RUFY2: variants seen among roughly 807,000 people sequenced by gnomAD.
RUFY2 encodes the protein RUN and FYVE domain containing 2, also known as RUN and FYVE domain-containing protein 2.
RUFY2 carries 49 observed loss-of-function variants against 94.4 expected under a neutral mutation model. That is an observed-to-expected ratio of 0.52 (90% CI 0.41 to 0.66). RUFY2 has a LOEUF of 0.66. Ranked by LOEUF, RUFY2 falls within the 30% of genes least tolerant of loss-of-function variation. The pLI, the probability that RUFY2 is intolerant of heterozygous loss-of-function variation, is 0.00. For synonymous variants in RUFY2, 255 were observed against 235.7 expected (o/e 1.08, Z -0.75); for missense variants, 541 against 692.8 (o/e 0.78, Z 2.46).
At chr10:68,341,830 C>G (rs1426406238), downstream of RUFY2, 1 of 1,611,068 alleles carries the variant, frequency 6.2e-7, no homozygotes, top group East Asian at 2.2e-5. Context: ...ATATGGTACT[C>G]CTGATGGTTT....
intron 1 of RUFY2, 147 bp downstream of exon 1, chr10:68,407,039 C>A: frequency 6.8e-7 from 1 of 1,478,338 alleles, no homozygotes; most frequent in East Asian, 2.5e-5. Context: ...CCCCGAGTCC[C>A]AGGCAGTCCC....
At chr10:68,369,686 C>A (rs1310922329) in intron 13 of RUFY2, among the ~76,000 whole-genome samples, 1 of 151,966 alleles carries the variant, frequency 6.6e-6, no homozygotes, top group Non-Finnish European at 1.5e-5. Flanking sequence ...CTTTGGGAGG[C>A]CAAGGCAGGA....
chr10:68,378,567 A>G, intron 12 of RUFY2: 1 of 1,583,326 alleles, frequency 6.3e-7, no homozygotes, highest in Non-Finnish European at 8.6e-7. Flanking sequence ...GGTCTTCAGA[A>G]AGATATATCT....
intron 16 of RUFY2, chr10:68,346,768 G>A (rs900474366): frequency 2.0e-5 from 3 of 152,098 alleles, no homozygotes; most frequent in Non-Finnish European, 2.9e-5. Context: ...CAATATTTAA[G>A]GATAAATTCT....
At chr10:68,365,266 A>T (rs2047724948) in intron 13 of RUFY2, among the ~76,000 whole-genome samples, 1 of 152,208 alleles carries the variant, frequency 6.6e-6, no homozygotes, top group African/African-American at 2.4e-5. Context: ...GCATCTCTTC[A>T]ACTAATGTTA....
At chr10:68,387,958 G>A (rs563470030) in intron 7 of RUFY2, among the ~76,000 whole-genome samples, 11 of 152,138 alleles carry the variant, frequency 7.2e-5, no homozygotes, top group East Asian at 1.9e-4. Context: ...AGCCGAGATC[G>A]CACCATCGCA....
downstream of RUFY2, chr10:68,341,811 C>T (rs1189878857): frequency 1.9e-6 from 3 of 1,610,790 alleles, no homozygotes; most frequent in East Asian, 2.2e-5. Context: ...GGAACAATTA[C>T]AGTGGAGGAT....
intron 3 of RUFY2, among the ~76,000 whole-genome samples, chr10:68,400,167 C>T (rs2050702294): frequency 6.6e-6 from 1 of 151,842 alleles, no homozygotes; most frequent in African/African-American, 2.4e-5. Flanking sequence ...CGAAAATTAG[C>T]CAGGTATGGA....
At chr10:68,390,910 G>T (rs187063247) in intron 7 of RUFY2, among the ~76,000 whole-genome samples, 1 of 151,340 alleles carries the variant, frequency 6.6e-6, no homozygotes, top group Non-Finnish European at 1.5e-5. Context: ...GGGATTACAT[G>T]CATGAGCCAT....
downstream of RUFY2, chr10:68,341,966 C>G: frequency 6.2e-7 from 1 of 1,613,206 alleles, no homozygotes; most frequent in Non-Finnish European, 8.5e-7. Context: ...TTCTTAATAT[C>G]TTTTTCTTAA....
At chr10:68,375,674 G>T (rs1481842968) in intron 13 of RUFY2, among the ~76,000 whole-genome samples, 1 of 151,830 alleles carries the variant, frequency 6.6e-6, no homozygotes, top group African/African-American at 2.4e-5. Flanking sequence ...TACTCAGGAG[G>T]CTGAGGCAGG....
At chr10:68,368,574 G>A (rs1416760028) in intron 13 of RUFY2, among the ~76,000 whole-genome samples, 4 of 151,912 alleles carry the variant, frequency 2.6e-5, no homozygotes, top group Non-Finnish European at 5.9e-5. Flanking sequence ...CAGGAGAATC[G>A]CTTGAACCCG....
intron 12 of RUFY2, 69 bp from the exon 13 acceptor site, chr10:68,377,041 CAAAT>C (rs2048727335): frequency 6.4e-6 from 10 of 1,551,176 alleles, no homozygotes; most frequent in South Asian, 1.2e-5. Flanking sequence ...GTGAAGAAGA[CAAAT>C]AAAAGAAAAA....
At chr10:68,403,405 C>T (rs1418632527) in intron 2 of RUFY2, among the ~76,000 whole-genome samples, 2 of 151,958 alleles carry the variant, frequency 1.3e-5, no homozygotes, top group Admixed American at 6.6e-5. Context: ...GCGAACACCA[C>T]CAGCCTGGCT....
chr10:68,389,686 T>G (rs1174853762), intron 7 of RUFY2, among the ~76,000 whole-genome samples: 1 of 151,994 alleles, frequency 6.6e-6, no homozygotes, highest in African/African-American at 2.4e-5. Context: ...CCCAGAACTT[T>G]GGGAGGCCCA....
At chr10:68,403,785 C>G (rs1172617399) in intron 2 of RUFY2, among the ~76,000 whole-genome samples, 1 of 149,050 alleles carries the variant, frequency 6.7e-6, no homozygotes, top group African/African-American at 2.5e-5. Flanking sequence ...TTAGGTAAAT[C>G]TTTGAATCTT....
Position 68,405,492 on chromosome 10 carries a change from A to C in RUFY2, c.5-648T>G, listed in dbSNP as rs551094454. The C allele has an allele frequency of 3.8e-5, 37 of 965,706 alleles. No homozygotes were observed. The South Asian group carries it at 1.8e-3, about 46-fold the overall frequency. The allele number at this position is 965,706 out of a possible 1,614,324, so 59.8% of individuals were successfully genotyped here. A position where few individuals can be genotyped will look rare whatever the true frequency, so the allele number is the denominator to read the frequency against. ...TTAAAATGATCTTCTATGGAGATAA[A>C]TTTGGGGTGAGAGACAACAGGTTTA... On this transcript the variant is annotated intron_variant, in intron 1 of 17. Coordinates refer to ENST00000602465, the MANE Select transcript of RUFY2 (RefSeq NM_001330103.2).
intron 16 of RUFY2, among the ~76,000 whole-genome samples, chr10:68,348,185 ATT>A (rs375494025): frequency 4.5e-4 from 64 of 143,254 alleles, no homozygotes; most frequent in Admixed American, 5.7e-4. Flanking sequence ...GAATCATAGA[ATT>A]TTTTTTTTTT....
chr10:68,400,224 G>A (rs1050293833), intron 3 of RUFY2, among the ~76,000 whole-genome samples: 1 of 152,040 alleles, frequency 6.6e-6, no homozygotes, highest in Non-Finnish European at 1.5e-5. Context: ...GCTGAGGCAC[G>A]AGAATCACTT....
Sources: allele counts gnomAD v4.1 joint callset (sites outside exome capture counted in the v4.1 genomes callset), GRCh38; gene constraint gnomAD v4.1.1; transcripts MANE v1.5; gene names NCBI Gene and HGNC (gene_info 2026-07-23, HGNC 2026-07-21).